Variants in DIP2C observed in about 807,000 individuals in gnomAD.
DIP2C encodes disco-interacting protein 2 homolog C.
A neutral mutation model predicts 192.4 loss-of-function variants in DIP2C; 33 were observed. That is an observed-to-expected ratio of 0.17 (90% CI 0.13 to 0.23). DIP2C has a LOEUF of 0.23. DIP2C is among the 10% of genes least tolerant of loss of function. The probability of loss-of-function intolerance (pLI) is 1.00; values close to 1 mark genes in which losing one functional copy is unlikely to be tolerated. For synonymous variants in DIP2C, 979 were observed against 864.1 expected (o/e 1.13, Z -2.33); for missense variants, 1,537 against 2,110.1 (o/e 0.73, Z 5.32).
At chr10:299,117 C>T (rs536942909) in intron 32 of DIP2C, among the ~76,000 whole-genome samples, 3 of 152,350 alleles carry the variant, frequency 2.0e-5, no homozygotes, top group Non-Finnish European at 2.9e-5. Context: ...CTGCTTTATA[C>T]TTTGCACTGC....
Position 487,941 on chromosome 10 carries a change from C to T in DIP2C, c.86-1411G>A, listed in dbSNP as rs149364060. 3.1e-3 allele frequency among the ~76,000 whole-genome samples: 478 copies of T among 152,264 alleles called. 3 individuals are homozygous for T. The highest frequency in any genetic ancestry group is 0.011 in the African/African-American group (448 of 41,544). On this transcript the variant is annotated intron_variant, in intron 1 of 36. Transcript: ENST00000280886. ...TTTCTGCAGAAATGTTAAAGCTTGCCGGGCACTCCACACCGGCAGCCATCA... is the reference window on the plus strand; with the variant it reads ...TTTCTGCAGAAATGTTAAAGCTTGCTGGGCACTCCACACCGGCAGCCATCA...
intron 1 of DIP2C, among the ~76,000 whole-genome samples, chr10:613,078 G>A (rs1321090492): frequency 6.6e-6 from 1 of 152,208 alleles, no homozygotes; most frequent in African/African-American, 2.4e-5. Flanking sequence ...ATGGCCCAAG[G>A]TCTAGGACCG....
intron 31 of DIP2C, among the ~76,000 whole-genome samples, chr10:323,922 C>A (rs1040636041): frequency 3.3e-5 from 5 of 152,210 alleles, no homozygotes; most frequent in Admixed American, 3.3e-4. Flanking sequence ...CTGCTTGTTT[C>A]TATCACCATC....
At chr10:442,274 C>T (rs1967802572) in intron 3 of DIP2C, among the ~76,000 whole-genome samples, 1 of 152,136 alleles carries the variant, frequency 6.6e-6, no homozygotes, top group Non-Finnish European at 1.5e-5. Context: ...CGAGCTGCCA[C>T]CTGAGACAGG....
At chr10:278,483 G>A (rs529052282) in intron 36 of DIP2C, among the ~76,000 whole-genome samples, 1 of 152,358 alleles carries the variant, frequency 6.6e-6, no homozygotes. Flanking sequence ...TGGGTCCGGA[G>A]GATAAGAAAC....
intron 6 of DIP2C, among the ~76,000 whole-genome samples, chr10:416,266 C>T (rs549853341): frequency 1.1e-4 from 16 of 152,090 alleles, no homozygotes; most frequent in African/African-American, 3.4e-4. Flanking sequence ...TGAGACCATC[C>T]GTGGAGCAGT....
At chr10:526,945 A>C (rs1847091174) in intron 1 of DIP2C, among the ~76,000 whole-genome samples, 1 of 152,198 alleles carries the variant, frequency 6.6e-6, no homozygotes, top group South Asian at 2.1e-4. Context: ...CAACTCATCC[A>C]AGTCTGTTTA....
intron 19 of DIP2C, chr10:364,866 C>A: frequency 1.6e-6 from 1 of 628,230 alleles, no homozygotes. Flanking sequence ...CCAGAAGTCT[C>A]ACAGGAGGCC....
In DIP2C at chr10:639,000, C is replaced by G. The variant is rs74117309; in HGVS notation, c.85+50494G>C. On this transcript the variant is annotated intron_variant, in intron 1 of 36. Coordinates refer to ENST00000280886, the MANE Select transcript of DIP2C (RefSeq NM_014974.3). Reference sequence around the variant, plus strand: ...GGCCTCAGAAGGACGAGACACGGAGCCCGCACACAATCCTGGACCCTCCTC... The same window carrying G: ...GGCCTCAGAAGGACGAGACACGGAGGCCGCACACAATCCTGGACCCTCCTC... Among the ~76,000 whole-genome samples, 945 of 152,364 alleles carry G rather than the reference C, an allele frequency of 6.2e-3. 12 individuals carry two copies. The highest frequency in any genetic ancestry group is 0.022 in the African/African-American group (899 of 41,582).
In DIP2C at chr10:640,823, G is replaced by A. The variant is rs141778115; in HGVS notation, c.85+48671C>T. Among the ~76,000 whole-genome samples the A allele has an allele frequency of 1.4e-4, 21 of 152,064 alleles. No homozygotes were observed. The South Asian group carries it at 4.4e-3, about 32-fold the overall frequency. On this transcript the variant is annotated intron_variant, in intron 1 of 36. Coordinates refer to ENST00000280886, the MANE Select transcript of DIP2C (RefSeq NM_014974.3). Reference sequence around the variant, plus strand: ...CCGAGAACCTGGGGGCAGCAAGGCCGGTCAAGGCTGGAGACTCCAACAGTG... The same window carrying A: ...CCGAGAACCTGGGGGCAGCAAGGCCAGTCAAGGCTGGAGACTCCAACAGTG...
At chr10:446,174 T>C (rs1488971250) in intron 3 of DIP2C, among the ~76,000 whole-genome samples, 1 of 130,312 alleles carries the variant, frequency 7.7e-6, no homozygotes, top group Non-Finnish European at 1.9e-5. Flanking sequence ...TATACATCTG[T>C]TGCAAAGAGT....
At chr10:289,008 G>A (rs1015843213) in intron 32 of DIP2C, among the ~76,000 whole-genome samples, 1 of 152,206 alleles carries the variant, frequency 6.6e-6, no homozygotes. Flanking sequence ...CCAGAGCTTC[G>A]CTAACAGTCC....
At chr10:508,492 T>C (rs1368877038) in intron 1 of DIP2C, among the ~76,000 whole-genome samples, 1 of 152,160 alleles carries the variant, frequency 6.6e-6, no homozygotes, top group Non-Finnish European at 1.5e-5. Flanking sequence ...CATACTGCCT[T>C]GATAAATGAC....
At chr10:620,127 A>G (rs1455059771) in intron 1 of DIP2C, among the ~76,000 whole-genome samples, 1 of 152,184 alleles carries the variant, frequency 6.6e-6, no homozygotes, top group South Asian at 2.1e-4. Context: ...GGAGGACGCC[A>G]CAGCCGATCT....
At chr10:530,484 G>T (rs816636) in intron 1 of DIP2C, among the ~76,000 whole-genome samples, 3,100 of 152,016 alleles carry the variant, frequency 0.02, 102 homozygotes, top group African/African-American at 0.071. Flanking sequence ...CCTGCTTGAG[G>T]GGGTGAGAGG....
intron 1 of DIP2C, among the ~76,000 whole-genome samples, chr10:597,580 G>A (rs1405696084): frequency 6.6e-6 from 1 of 152,224 alleles, no homozygotes; most frequent in Non-Finnish European, 1.5e-5. Context: ...ACTATGCAAA[G>A]AATCAATGTC....
At chr10:337,073 T>TGTGTGTGTGTGTG (rs374638763) in intron 29 of DIP2C, among the ~76,000 whole-genome samples, 1 of 71,528 alleles carries the variant, frequency 1.4e-5, no homozygotes, top group Non-Finnish European at 2.8e-5. Context: ...TGTGTGTGTG[T>TGTGTGTGTGTGTG]TGTGGAGGCC....
intron 31 of DIP2C, among the ~76,000 whole-genome samples, chr10:324,430 G>GC (rs1957172697): frequency 6.6e-6 from 1 of 152,172 alleles, no homozygotes; most frequent in African/African-American, 2.4e-5. Flanking sequence ...AAGATTCTGG[G>GC]AAGGGGAGGT....
At chr10:578,245 T>G (rs774979008) in intron 1 of DIP2C, among the ~76,000 whole-genome samples, 1 of 152,210 alleles carries the variant, frequency 6.6e-6, no homozygotes, top group Admixed American at 6.5e-5. Context: ...TCATGAACTG[T>G]TTATATTCAC....
Sources: allele counts gnomAD v4.1 joint callset (sites outside exome capture counted in the v4.1 genomes callset), GRCh38; gene constraint gnomAD v4.1.1; transcripts MANE v1.5; gene names NCBI Gene and HGNC (gene_info 2026-07-23, HGNC 2026-07-21).